PLD5: variants seen among roughly 807,000 people sequenced by gnomAD.
PLD5 encodes the protein inactive phospholipase D5.
In PLD5, 36 loss-of-function variants were observed where a neutral mutation model predicts 61.1. The observed-to-expected ratio is 0.59, with a 90% confidence interval of 0.45 to 0.78. The LOEUF is 0.78. PLD5 is among the 30% of genes least tolerant of loss of function. The pLI is 0.00. For synonymous variants in PLD5, 243 were observed against 242.8 expected, an observed-to-expected ratio of 1.00 and a Z score of -0.01; for missense variants, 515 against 644.4, an observed-to-expected ratio of 0.80 and a Z score of 2.17.
At chr1:242,110,911 A>G (rs1661435213) in intron 7 of PLD5, among the ~76,000 whole-genome samples, 1 of 152,324 alleles carries the variant, frequency 6.6e-6, no homozygotes, top group East Asian at 1.9e-4. Context: ...TCCTTTACAC[A>G]TTTACTAATT....
chr1:242,308,968 C>A (rs541497725), intron 2 of PLD5, among the ~76,000 whole-genome samples: 1 of 151,460 alleles, frequency 6.6e-6, no homozygotes, highest in Non-Finnish European at 1.5e-5. Flanking sequence ...GGAGCGGGGA[C>A]GTAAGGGGGA....
chr1:242,192,642 A>G (rs564816094), intron 5 of PLD5, among the ~76,000 whole-genome samples: 3 of 152,342 alleles, frequency 2.0e-5, no homozygotes, highest in Admixed American at 1.3e-4. Flanking sequence ...ATGAGAAAGG[A>G]TGGTAGTTTT....
intron 1 of PLD5, among the ~76,000 whole-genome samples, chr1:242,507,825 G>A (rs1668775324): frequency 6.6e-6 from 1 of 152,116 alleles, no homozygotes; most frequent in Non-Finnish European, 1.5e-5. Context: ...GTTTTAGTGT[G>A]GAAATAAGCA....
Position 242,310,171 on chromosome 1 carries a change from G to C in PLD5, c.327-21641C>G, listed in dbSNP as rs911987557. 4.6e-5 allele frequency among the ~76,000 whole-genome samples: 7 copies of C among 152,146 alleles called. No individual in the cohort carries two copies. In the East Asian group the frequency reaches 1.3e-3, roughly 29 times the overall value. On this transcript the variant is annotated intron_variant, in intron 2 of 9. Transcript: ENST00000536534. ...TTGTACAAGATGCTGTCAAGACTTA[G>C]AGGGTGCATTGCAGGAAGTGTCTCA...
intron 5 of PLD5, among the ~76,000 whole-genome samples, chr1:242,132,110 C>T (rs1464271000): frequency 6.8e-6 from 1 of 147,852 alleles, no homozygotes; most frequent in Non-Finnish European, 1.5e-5. Flanking sequence ...TGATTACAGG[C>T]ATGAGCCACC....
chr1:242,467,403 C>T (rs998821094), intron 1 of PLD5, among the ~76,000 whole-genome samples: 7 of 152,218 alleles, frequency 4.6e-5, no homozygotes, highest in Non-Finnish European at 5.9e-5. Context: ...TTTTGTACTG[C>T]TTAAATTTCT....
At chr1:242,223,175 C>A (rs1216499845) in intron 4 of PLD5, among the ~76,000 whole-genome samples, 1 of 152,186 alleles carries the variant, frequency 6.6e-6, no homozygotes, top group Non-Finnish European at 1.5e-5. Context: ...ACATGAGGAT[C>A]TCTCTCTGAC....
chr1:242,488,954 G>A (rs980098687), intron 1 of PLD5, among the ~76,000 whole-genome samples: 1 of 152,110 alleles, frequency 6.6e-6, no homozygotes, highest in Non-Finnish European at 1.5e-5. Flanking sequence ...ACTTGAAAAT[G>A]AATTCTAGTA....
At chr1:242,378,548 T>C (rs1341403250) in intron 1 of PLD5, among the ~76,000 whole-genome samples, 1 of 152,088 alleles carries the variant, frequency 6.6e-6, no homozygotes, top group Non-Finnish European at 1.5e-5. Flanking sequence ...TAAAAAACAA[T>C]TAAAAAAACC....
chr1:242,371,974 G>A (rs1013331431), intron 1 of PLD5, among the ~76,000 whole-genome samples: 9 of 151,768 alleles, frequency 5.9e-5, no homozygotes, highest in East Asian at 3.9e-4. Flanking sequence ...TCATCAACCC[G>A]TCATCTATAT....
At chr1:242,274,399 TAATAA>T (rs1004322396) in intron 3 of PLD5, among the ~76,000 whole-genome samples, 25 of 151,998 alleles carry the variant, frequency 1.6e-4, no homozygotes, top group African/African-American at 6.0e-4. Flanking sequence ...CAAACAAAAA[TAATAA>T]AAGTCCTAAA....
chr1:242,154,510 A>G (rs79485672), intron 5 of PLD5, among the ~76,000 whole-genome samples: 28 of 152,154 alleles, frequency 1.8e-4, no homozygotes, highest in Non-Finnish European at 4.4e-5. Context: ...ATTTTGAGAT[A>G]CTTTCCGTCA....
At chr1:242,123,417 C>A (rs1662533624) in intron 6 of PLD5, among the ~76,000 whole-genome samples, 1 of 152,162 alleles carries the variant, frequency 6.6e-6, no homozygotes, top group South Asian at 2.1e-4. Context: ...CACAGGTGGC[C>A]AGAGCCCCTC....
intron 5 of PLD5, among the ~76,000 whole-genome samples, chr1:242,160,888 AAAT>A (rs1044448549): frequency 2.6e-5 from 4 of 152,020 alleles, no homozygotes; most frequent in African/African-American, 9.7e-5. Flanking sequence ...CCATCTCAAA[AAAT>A]AATAATTAAA....
At chr1:242,453,922 T>G (rs1484760786) in intron 1 of PLD5, among the ~76,000 whole-genome samples, 4 of 152,164 alleles carry the variant, frequency 2.6e-5, no homozygotes, top group Admixed American at 6.6e-5. Flanking sequence ...CCTCACCCAC[T>G]CCTTCTCAGC....
Position 242,447,913 on chromosome 1 carries a change from T to G in PLD5, c.189+76175A>C, listed in dbSNP as rs748366772. ...ATTTCAGCCCGGTCCTTTATAATCCTTAAAGGAATGTTCTCAGGCTAATGA... is the reference window on the plus strand; with the variant it reads ...ATTTCAGCCCGGTCCTTTATAATCCGTAAAGGAATGTTCTCAGGCTAATGA... On this transcript the variant is annotated intron_variant, in intron 1 of 9. Coordinates refer to ENST00000536534, the MANE Select transcript of PLD5 (RefSeq NM_001372062.1). Among the ~76,000 whole-genome samples, 110 of 152,202 alleles carry G rather than the reference T, an allele frequency of 7.2e-4. 1 individual carries two copies. Among genetic ancestry groups the G allele is most frequent in the Non-Finnish European group, 2.4e-4 (16 of 68,048 alleles).
intron 2 of PLD5, among the ~76,000 whole-genome samples, chr1:242,331,134 C>T (rs555120077): frequency 3.3e-4 from 50 of 152,308 alleles, no homozygotes; most frequent in African/African-American, 1.2e-3. Flanking sequence ...ACATGACATA[C>T]ACTGGCACTG....
chr1:242,260,809 G>C (rs1673336274), intron 4 of PLD5, among the ~76,000 whole-genome samples: 1 of 152,198 alleles, frequency 6.6e-6, no homozygotes, highest in Non-Finnish European at 1.5e-5. Context: ...CCACAGTACA[G>C]AGTAGACTGC....
chr1:242,120,832 A>G (rs1662304989), intron 6 of PLD5, among the ~76,000 whole-genome samples: 1 of 152,264 alleles, frequency 6.6e-6, no homozygotes, highest in Non-Finnish European at 1.5e-5. Flanking sequence ...GAAATGCAAG[A>G]AAATGAGAAT....
Sources: gnomAD v4.1 joint callset for allele counts (sites outside exome capture counted in the v4.1 genomes callset) on GRCh38, gnomAD v4.1.1 for gene constraint, MANE v1.5 for transcripts, NCBI Gene and HGNC (gene_info 2026-07-23, HGNC 2026-07-21) for gene names.